Variants in PCDH11X observed in about 807,000 individuals in gnomAD.
PCDH11X encodes protocadherin-11 X-linked.
In PCDH11X, 18 loss-of-function variants were observed where a neutral mutation model predicts 53.3. The ratio of observed to expected loss-of-function variants is 0.34; its 90% CI spans 0.23 to 0.50. The LOEUF (loss-of-function observed/expected upper bound fraction) is 0.50. Among genes scored for constraint, PCDH11X ranks in the 20% least tolerant of loss-of-function variants. The pLI is 0.98. For synonymous variants in PCDH11X, 279 were observed against 393.3 expected, an observed-to-expected ratio of 0.71 and a Z score of 3.44; for missense variants, 570 against 1,032.4, an observed-to-expected ratio of 0.55 and a Z score of 6.14.
At chrX:91,951,913 C>T (rs111744774) in intron 6 of PCDH11X, among the ~76,000 whole-genome samples, 1,648 of 111,517 alleles carry the variant, frequency 0.015, 42 homozygotes, top group African/African-American at 0.052. Flanking sequence ...AGTATTCTAG[C>T]TGCAGTAGCA....
At chrX:92,478,651 A>G (rs2073439989) in intron 10 of PCDH11X, among the ~76,000 whole-genome samples, 1 of 103,178 alleles carries the variant, frequency 9.7e-6, no homozygotes, top group Admixed American at 1.1e-4. Flanking sequence ...TGACCTGAGC[A>G]AATTATACAA....
chrX:91,969,328 C>T (rs2061913428), intron 6 of PCDH11X, among the ~76,000 whole-genome samples: 1 of 110,632 alleles, frequency 9.0e-6, no homozygotes, highest in Admixed American at 9.7e-5. Context: ...TACCAATTTA[C>T]ACTATAAAAT....
chrX:92,222,399 CTGTTT>C (rs1429333276), intron 7 of PCDH11X, among the ~76,000 whole-genome samples: 1 of 111,437 alleles, frequency 9.0e-6, no homozygotes, highest in East Asian at 2.8e-4. Context: ...AAAGATTTGT[CTGTTT>C]TGTTTTATTT....
chrX:92,324,955 G>C (rs945570268), intron 8 of PCDH11X, among the ~76,000 whole-genome samples: 1 of 109,804 alleles, frequency 9.1e-6, no homozygotes, highest in Non-Finnish European at 1.9e-5. Flanking sequence ...GTGTTAATTC[G>C]TTTAGGATAA....
At chrX:92,452,463 G>GTA (rs763381982) in intron 9 of PCDH11X, among the ~76,000 whole-genome samples, 1,374 of 44,555 alleles carry the variant, frequency 0.031, 42 homozygotes, top group East Asian at 0.067. Context: ...GTGTGTGTGT[G>GTA]TATATATATA....
chrX:91,803,527 T>G (rs1487846372), intron 1 of PCDH11X, among the ~76,000 whole-genome samples: 1 of 111,586 alleles, frequency 9.0e-6, no homozygotes, highest in East Asian at 2.8e-4. Flanking sequence ...GTGTAGTAGC[T>G]AAGGGCTTAA....
chrX:92,489,566 TC>T (rs1314233538), intron 10 of PCDH11X, among the ~76,000 whole-genome samples: 5 of 109,362 alleles, frequency 4.6e-5, no homozygotes. Flanking sequence ...GTATCCCGAC[TC>T]CTGCTTTTTT....
chrX:92,504,660 C>T (rs2074018304), intron 10 of PCDH11X, among the ~76,000 whole-genome samples: 1 of 111,657 alleles, frequency 9.0e-6, no homozygotes, highest in Non-Finnish European at 1.9e-5. Context: ...TGTGTATATA[C>T]CCAGTAATGG....
intron 6 of PCDH11X, among the ~76,000 whole-genome samples, chrX:92,110,792 G>A (rs2064486940): frequency 9.0e-6 from 1 of 110,729 alleles, no homozygotes; most frequent in African/African-American, 3.3e-5. Context: ...AAAGGGGGAG[G>A]CAGGTTTGTG....
chrX:92,072,744 G>T (rs765978726), intron 6 of PCDH11X, among the ~76,000 whole-genome samples: 4 of 110,964 alleles, frequency 3.6e-5, no homozygotes, highest in East Asian at 5.7e-4. Flanking sequence ...GTTTTGAGCC[G>T]CACTGCCTGG....
intron 10 of PCDH11X, among the ~76,000 whole-genome samples, chrX:92,540,811 G>A (rs763295299): frequency 9.3e-6 from 1 of 107,165 alleles, no homozygotes; most frequent in Admixed American, 1.0e-4. Context: ...CAAGGCCACG[G>A]GTCTGCCTCT....
At chrX:92,182,308 C>G (rs5984156) in intron 6 of PCDH11X, among the ~76,000 whole-genome samples, 55,086 of 110,968 alleles carry the variant, frequency 0.5, 10,336 homozygotes, top group Non-Finnish European at 0.6. Context: ...GCCTATACCC[C>G]CATTGTATTT....
chrX:92,037,314 G>T (rs1271119737), intron 6 of PCDH11X, among the ~76,000 whole-genome samples: 1 of 109,860 alleles, frequency 9.1e-6, no homozygotes, highest in African/African-American at 3.3e-5. Flanking sequence ...GTGGTTTTTG[G>T]TTTTCGGTTC....
chrX:92,110,482 G>T (rs2064478754), intron 6 of PCDH11X, among the ~76,000 whole-genome samples: 1 of 108,211 alleles, frequency 9.2e-6, no homozygotes, highest in Admixed American at 1.0e-4. Flanking sequence ...GATTTTGAGG[G>T]CTCCAAATTT....
intron 10 of PCDH11X, among the ~76,000 whole-genome samples, chrX:92,495,329 T>C (rs2073841830): frequency 9.2e-6 from 1 of 109,142 alleles, no homozygotes; most frequent in South Asian, 4.1e-4. Context: ...CCTGCTTATA[T>C]GCTATTCTGT....
At chrX:92,120,915 A>C (rs1602981883) in intron 6 of PCDH11X, among the ~76,000 whole-genome samples, 1 of 111,286 alleles carries the variant, frequency 9.0e-6, no homozygotes, top group South Asian at 3.8e-4. Context: ...TTCTACTAAT[A>C]ATAATTATTT....
At chrX:92,496,535 T>C (rs1441995894) in intron 10 of PCDH11X, among the ~76,000 whole-genome samples, 1 of 104,093 alleles carries the variant, frequency 9.6e-6, no homozygotes, top group Non-Finnish European at 1.9e-5. Flanking sequence ...CACAAGCCTT[T>C]TTTCAGAGAT....
chrX:92,294,793 T>C (rs2068574105), intron 8 of PCDH11X, among the ~76,000 whole-genome samples: 1 of 106,191 alleles, frequency 9.4e-6, no homozygotes, highest in Admixed American at 1.0e-4. Flanking sequence ...GTTTGGAGAT[T>C]CATAAAAATA....
chrX:92,438,206 G>A (rs1489245973), intron 9 of PCDH11X, among the ~76,000 whole-genome samples: 2 of 111,496 alleles, frequency 1.8e-5, no homozygotes, highest in African/African-American at 3.3e-5. Context: ...CAGACAACAC[G>A]TATCCTGAAT....
Sources: allele counts gnomAD v4.1 joint callset (sites outside exome capture counted in the v4.1 genomes callset), GRCh38; gene constraint gnomAD v4.1.1; transcripts MANE v1.5; gene names NCBI Gene and HGNC (gene_info 2026-07-23, HGNC 2026-07-21).